The following OLFML2B variants were observed in gnomAD, a reference collection of about 807,000 sequenced individuals.
OLFML2B encodes the protein olfactomedin-like protein 2B.
In OLFML2B, 57 loss-of-function variants were observed where a neutral mutation model predicts 74.9. The observed-to-expected ratio is 0.76, with a 90% CI of 0.61 to 0.95. The LOEUF is 0.95. OLFML2B is among the 40% of genes least tolerant of loss of function. The probability of loss-of-function intolerance (pLI) is 0.00; values close to 1 mark genes in which losing one functional copy is unlikely to be tolerated. For synonymous variants in OLFML2B, 388 were observed against 405.8 expected (o/e 0.96, Z 0.53); for missense variants, 986 against 970.6 (o/e 1.02, Z -0.21).
Position 161,998,106 on chromosome 1 carries a change from G to T in OLFML2B, c.1193C>A (p.Thr398Asn), listed in dbSNP as rs148675035. The change falls in exon 6 of 8, where the codon ACC (threonine) becomes AAC (asparagine). Residue 398 changes from threonine (T) to asparagine (N), a missense_variant. Thr to Asn is a moderately conservative substitution (Grantham distance 65). Transcript: ENST00000294794. Reference protein sequence around the residue: ...HASVGPTLQTTSVSPDPTRES... With the variant: ...HASVGPTLQTNSVSPDPTRES... ...CCTTGTGGGATCTGGAGACACCGAGGTTGTTTGGAGTGTTGGTCCCACTGA... is the reference window on the plus strand; with the variant it reads ...CCTTGTGGGATCTGGAGACACCGAGTTTGTTTGGAGTGTTGGTCCCACTGA... The T allele has an allele frequency of 3.7e-6, 6 of 1,614,014 alleles. No homozygotes were observed. Among genetic ancestry groups the T allele is most frequent in the Non-Finnish European group, 5.1e-6 (6 of 1,180,040 alleles).
At chr1:162,016,106 G>A (rs1176322027) in intron 3 of OLFML2B, among the ~76,000 whole-genome samples, 1 of 152,208 alleles carries the variant, frequency 6.6e-6, no homozygotes, top group Non-Finnish European at 1.5e-5. Context: ...ACTAATCCTT[G>A]TAACTTCAGT....
At chr1:161,992,043 C>A (rs1379491009) in intron 6 of OLFML2B, among the ~76,000 whole-genome samples, 1 of 152,240 alleles carries the variant, frequency 6.6e-6, no homozygotes, top group Non-Finnish European at 1.5e-5. Flanking sequence ...CACCTTCTTC[C>A]AATGGATGGC....
intron 6 of OLFML2B, among the ~76,000 whole-genome samples, chr1:161,987,365 A>T (rs1017731619): frequency 6.6e-6 from 1 of 152,208 alleles, no homozygotes; most frequent in Non-Finnish European, 1.5e-5. Context: ...TGAGATGGGG[A>T]GACTATACTG....
rs772211414 is a variant in OLFML2B at position 161,984,899 on chromosome 1, T to G, written c.1556A>C (p.Lys519Thr). Residue 519 changes from lysine to threonine, a missense_variant, in exon 7 of 8, where the codon AAG becomes ACG. Coordinates refer to ENST00000294794, the MANE Select transcript of OLFML2B (RefSeq NM_015441.3). ...CCGCTCATCCTTGGCCAGGGGGTCC[T>G]TCATCCAGGCCCCTTCATTCCGCCC... ...TYGRNEGAWM[K>T]DPLAKDERIY... is the part of the protein sequence containing the mutation. 1.2e-6 allele frequency: 2 copies of G among 1,612,176 alleles called. No individual in the cohort carries two copies. Among genetic ancestry groups the G allele is most frequent in the South Asian group, 2.2e-5 (2 of 90,902 alleles).
Position 162,017,404 on chromosome 1 carries a change from T to G in OLFML2B, c.542A>C (p.Glu181Ala), listed in dbSNP as rs1690570351. The change falls in exon 3 of 8, where the codon GAG becomes GCG. Residue 181 changes from glutamate to alanine, a missense_variant. Coordinates refer to ENST00000294794, the MANE Select transcript of OLFML2B (RefSeq NM_015441.3). ...TKLVGRVDKL[E>A]EEVSKNLTKE... ...AGAAACCAGAATCTTCCTTACCTCCTCCAGTTTATCCACTCGCCCCACCAG... is the reference window on the plus strand; with the variant it reads ...AGAAACCAGAATCTTCCTTACCTCCGCCAGTTTATCCACTCGCCCCACCAG... 1 of 1,611,184 alleles carries G rather than the reference T, an allele frequency of 6.2e-7. No homozygotes were observed. The highest frequency in any genetic ancestry group is 1.3e-5 in the African/African-American group (1 of 74,782).
intron 3 of OLFML2B, among the ~76,000 whole-genome samples, chr1:162,011,359 A>AG (rs934479677): frequency 1.4e-4 from 21 of 152,100 alleles, no homozygotes; most frequent in African/African-American, 4.8e-4. Flanking sequence ...ACTGGACCCA[A>AG]GGGGGGAGGG....
At chr1:162,010,312 C>A (rs1460192632) in intron 3 of OLFML2B, among the ~76,000 whole-genome samples, 1 of 152,148 alleles carries the variant, frequency 6.6e-6, no homozygotes, top group East Asian at 1.9e-4. Flanking sequence ...CTGGAGGGTG[C>A]CTGATGGGAA....
At chr1:161,996,602 C>T (rs1432672156) in intron 6 of OLFML2B, among the ~76,000 whole-genome samples, 1 of 152,194 alleles carries the variant, frequency 6.6e-6, no homozygotes, top group Non-Finnish European at 1.5e-5. Context: ...GAAATTATTA[C>T]TCAATAGTGT....
At chr1:162,019,787 CCA>C in intron 2 of OLFML2B, 130 bp downstream of exon 2, 1 of 1,154,970 alleles carries the variant, frequency 8.7e-7, no homozygotes, top group Non-Finnish European at 1.2e-6. Context: ...CAACCTTGAT[CCA>C]CACACAGCAC....
At chr1:161,984,404 T>C in intron 7 of OLFML2B, 128 bp from the exon 8 acceptor site, 1 of 1,241,544 alleles carries the variant, frequency 8.1e-7, no homozygotes, top group African/African-American at 1.5e-5. Flanking sequence ...TCTGCCACTT[T>C]CTAGCATCCT....
chr1:162,019,771 G>A, intron 2 of OLFML2B, 148 bp downstream of exon 2: 4 of 1,012,670 alleles, frequency 3.9e-6, no homozygotes, highest in Non-Finnish European at 2.8e-6. Flanking sequence ...AAGTTTGCTA[G>A]GACATCAACC....
chr1:161,996,753 T>C (rs1310443996), intron 6 of OLFML2B, among the ~76,000 whole-genome samples: 1 of 152,232 alleles, frequency 6.6e-6, no homozygotes, highest in Non-Finnish European at 1.5e-5. Flanking sequence ...CTGCGTTCTC[T>C]TGGGCCACGG....
intron 3 of OLFML2B, among the ~76,000 whole-genome samples, chr1:162,013,890 CAACACACACA>C (rs1690459622): frequency 1.2e-5 from 1 of 81,960 alleles, no homozygotes; most frequent in South Asian, 4.4e-4. Flanking sequence ...GAAAAAAGCC[CAACACACACA>C]CACACACACA....
chr1:162,023,147 T>G, intron 1 of OLFML2B, 110 bp downstream of exon 1: 2 of 1,043,672 alleles, frequency 1.9e-6, no homozygotes, highest in Non-Finnish European at 2.6e-6. Flanking sequence ...GCCCTTTCCA[T>G]TGGTAATGGA....
In OLFML2B at chr1:162,006,462, T is replaced by C. The variant is rs1233428775; in HGVS notation, c.558A>G (p.Lys186=). 6.4e-7 allele frequency: 1 copy of C among 1,562,448 alleles called. No individual in the cohort carries two copies. Among genetic ancestry groups the C allele is most frequent in the East Asian group, 2.3e-5 (1 of 43,600 alleles). Residue 186 remains lysine (K), a synonymous_variant, in exon 4 of 8, where the codon AAA becomes AAG. Transcript: ENST00000294794. ...RVDKLEEEVS[K]NLTKENEQIK... is the part of the protein sequence containing the mutation. ...TTTGTTCATTTTCCTTGGTGAGGTT[T>C]TTAGACACTTCCTGAGAAGGAAAAA...
chr1:162,013,139 G>A (rs919138827), intron 3 of OLFML2B, among the ~76,000 whole-genome samples: 1 of 152,098 alleles, frequency 6.6e-6, no homozygotes, highest in Admixed American at 6.5e-5. Context: ...CTTTGCCTTT[G>A]GAAGTTACAG....
At chr1:162,014,219 T>C (rs953703260) in intron 3 of OLFML2B, among the ~76,000 whole-genome samples, 4 of 152,220 alleles carry the variant, frequency 2.6e-5, no homozygotes, top group African/African-American at 7.2e-5. Context: ...CACTTTTCTA[T>C]GCATGTGTCG....
chr1:162,002,858 C>A (rs528624026), intron 4 of OLFML2B, among the ~76,000 whole-genome samples: 2 of 152,332 alleles, frequency 1.3e-5, no homozygotes, highest in South Asian at 4.1e-4. Flanking sequence ...TCCACCTGAG[C>A]TGTAGGGGAT....
At position 161,983,566 on chromosome 1, in the gene OLFML2B, A is replaced by AAT; in HGVS notation, c.*107_*108dup. ...TTACATTTGCAATATTATACAAAAT[A>AAT]ATATATATTTTTAAACAACACATAC... is the stretch of plus-strand genomic sequence containing the variant. On this transcript the variant is annotated 3_prime_UTR_variant, in exon 8 of 8. Transcript: ENST00000294794. 8.3e-7 allele frequency: 1 copy of AAT among 1,198,858 alleles called. No individual in the cohort carries two copies. The highest frequency in any genetic ancestry group is 2.6e-5 in the Admixed American group (1 of 38,712). The allele number at this position is 1,198,858 out of a possible 1,614,324, so 74.3% of individuals were successfully genotyped here.
Sources: gnomAD v4.1 joint callset for allele counts (sites outside exome capture counted in the v4.1 genomes callset) on GRCh38, gnomAD v4.1.1 for gene constraint, MANE v1.5 for transcripts, NCBI Gene and HGNC (gene_info 2026-07-23, HGNC 2026-07-21) for gene names.